The following POLR1D variants were observed in gnomAD, a reference collection of about 807,000 sequenced individuals.
The protein encoded by POLR1D is DNA-directed RNA polymerases I and III subunit RPAC2.
A neutral mutation model predicts 10.8 loss-of-function variants in POLR1D; 8 were observed. That is an observed-to-expected ratio of 0.74 (90% CI 0.43 to 1.33). POLR1D has a LOEUF of 1.33. POLR1D is among the 40% of genes most tolerant of loss of function. POLR1D has a pLI of 0.01. For missense variants in POLR1D, 152 were observed against 161.7 expected (o/e 0.94, Z 0.32); for synonymous variants, 54 against 57.2 (o/e 0.94, Z 0.25).
At chr13:27,666,335 C>A (rs943134012) in exon 3 of POLR1D, 1 of 178,482 alleles carries the variant, frequency 5.6e-6, no homozygotes, top group African/African-American at 2.4e-5. Flanking sequence ...CTATATTTTA[C>A]TTTTTGGGGG....
At chr13:27,665,616 G>T (rs893398624) in intron 2 of POLR1D, 66 of 1,415,272 alleles carry the variant, frequency 4.7e-5, no homozygotes, top group Admixed American at 2.3e-4. Flanking sequence ...TACTAATCAC[G>T]ATAGTGGGTC....
At chr13:27,631,651 A>G (rs149402498) in intron 1 of POLR1D, among the ~76,000 whole-genome samples, 52 of 152,250 alleles carry the variant, frequency 3.4e-4, no homozygotes, top group African/African-American at 1.4e-4. Flanking sequence ...ATATTTATCT[A>G]TTTATTGTCT....
Position 27,635,610 on chromosome 13 carries a change from A to G in POLR1D, c.27-12769A>G, listed in dbSNP as rs543843880. Among the ~76,000 whole-genome samples, 342 of 151,636 alleles carry G rather than the reference A, an allele frequency of 2.3e-3. 1 individual carries two copies. The highest frequency in any genetic ancestry group is 8.0e-3 in the African/African-American group (331 of 41,382). On this transcript the variant is annotated intron_variant, in intron 1 of 2. Coordinates refer to the POLR1D transcript ENST00000399697. ...CATAACTATCAATAGTCTATCTATG[A>G]TTACTATTAAAATTATAACTATAAA...
intron 1 of POLR1D, among the ~76,000 whole-genome samples, chr13:27,637,800 A>AT (rs1956139324): frequency 1.3e-5 from 2 of 150,922 alleles, no homozygotes; most frequent in Admixed American, 6.6e-5. Context: ...CATTAAAAAA[A>AT]ATTTTTTTTT....
rs201083012 is a variant in POLR1D, at chr13:27,656,903, TAC to T, written c.101+8452_101+8453del. 6.1e-3 allele frequency among the ~76,000 whole-genome samples: 923 copies of T among 152,368 alleles called. 4 individuals carry two copies. Among genetic ancestry groups the T allele is most frequent in the African/African-American group, 0.017 (707 of 41,586 alleles). On this transcript the variant is annotated intron_variant, in intron 2 of 2. Transcript: ENST00000399697. ...TGGTACATCCTACTGTTGAATATTTTACAGTCACTAAAAAGAATTGGTCAGCA... is the reference window on the plus strand; with the variant it reads ...TGGTACATCCTACTGTTGAATATTTTAGTCACTAAAAAGAATTGGTCAGCA...
At chr13:27,650,042 C>T (rs901340034) in intron 2 of POLR1D, 5 of 398,350 alleles carry the variant, frequency 1.3e-5, no homozygotes, top group African/African-American at 1.0e-4. Flanking sequence ...GTGGTTACAG[C>T]TTATTACAGG....
At chr13:27,648,548 A>G in intron 2 of POLR1D, 1 of 762,024 alleles carries the variant, frequency 1.3e-6, no homozygotes, top group Non-Finnish European at 2.3e-6. Context: ...GGAAATGGGA[A>G]ACCATGGAAG....
At position 27,663,886 on chromosome 13, in the gene POLR1D, A is replaced by C. The variant is rs2138575932; in HGVS notation, c.102-1800A>C. Reference sequence around the variant, plus strand: ...CATATGTAGTTCATTTGTCTATAAAAAAGATTTTGCTCTTGTAGTAAGCAC... The same window carrying C: ...CATATGTAGTTCATTTGTCTATAAACAAGATTTTGCTCTTGTAGTAAGCAC... On this transcript the variant is annotated intron_variant, in intron 2 of 2. Coordinates refer to the POLR1D transcript ENST00000399697. This position sits in a 1 kb window ranked among gnomAD's most constrained non-coding sequence, Gnocchi z 4.1. Among the ~76,000 whole-genome samples the C allele has an allele frequency of 6.6e-6, 1 of 152,326 alleles. No individual in the cohort carries two copies. The highest frequency in any genetic ancestry group is 2.1e-4 in the South Asian group (1 of 4,818).
chr13:27,623,222 A>AAGCAAGC lies in POLR1D; in HGVS notation c.377_383dup (p.Arg128SerfsTer5). 1 of 1,614,054 alleles carries AAGCAAGC rather than the reference A, an allele frequency of 6.2e-7. No homozygotes were observed. Among genetic ancestry groups the AAGCAAGC allele is most frequent in the Middle Eastern group, 1.6e-4 (1 of 6,062 alleles). On this transcript the variant is annotated frameshift_variant, in exon 2 of 2. Coordinates refer to ENST00000302979, the MANE Select transcript of POLR1D (RefSeq NM_015972.4). LOFTEE classifies it high-confidence loss of function. ...AGCATAAAGGACTATAAGGATCAAAAAGCAAGCAGAAATGAATCCACATTC... is the reference window on the plus strand; with the variant it reads ...AGCATAAAGGACTATAAGGATCAAAAAGCAAGCAGCAAGCAGAAATGAATCCACATTC...
At chr13:27,647,766 C>A (rs559629882) in intron 1 of POLR1D, among the ~76,000 whole-genome samples, 1 of 152,044 alleles carries the variant, frequency 6.6e-6, no homozygotes, top group African/African-American at 2.4e-5. Context: ...TAATTGTTAA[C>A]AAGTAGTTTG....
intron 2 of POLR1D, among the ~76,000 whole-genome samples, chr13:27,654,604 A>C (rs1956293360): frequency 6.6e-6 from 1 of 152,240 alleles, no homozygotes; most frequent in Non-Finnish European, 1.5e-5. Flanking sequence ...TTTGCCATTC[A>C]GTCACACAAG....
intron 1 of POLR1D, among the ~76,000 whole-genome samples, chr13:27,644,949 T>G (rs540766989): frequency 4.0e-4 from 61 of 152,344 alleles, no homozygotes; most frequent in African/African-American, 1.5e-3. Flanking sequence ...AATTCATTAA[T>G]GAGATTTCTA....
chr13:27,621,889 G>T (rs964445193), upstream of POLR1D: 5 of 1,341,046 alleles, frequency 3.7e-6, no homozygotes, highest in Non-Finnish European at 5.2e-6. Flanking sequence ...TCCGTCGGTC[G>T]GTCCTTGCTT....
downstream of POLR1D, among the ~76,000 whole-genome samples, chr13:27,624,982 C>T (rs185172305): frequency 1.4e-4 from 22 of 152,080 alleles, no homozygotes; most frequent in Non-Finnish European, 2.8e-4. Flanking sequence ...ACTTTAGGCA[C>T]GGAAGTTAGG....
At chr13:27,627,281 G>GT (rs749694500), downstream of POLR1D, among the ~76,000 whole-genome samples, 13,261 of 143,970 alleles carry the variant, frequency 0.092, 642 homozygotes, top group Middle Eastern at 0.13. Flanking sequence ...CGTGGGTCTG[G>GT]TTTTTTTTTT....
chr13:27,622,801 AT>A (rs1278542949), intron 1 of POLR1D, 73 bp from the exon 2 acceptor site: 2 of 898,718 alleles, frequency 2.2e-6, no homozygotes, highest in African/African-American at 3.3e-5. Context: ...GCAATGTGAT[AT>A]AGTAAATGAG....
intron 2 of POLR1D, chr13:27,650,469 A>T (rs1387515977): frequency 6.1e-6 from 1 of 163,748 alleles, no homozygotes; most frequent in Non-Finnish European, 1.3e-5. Flanking sequence ...CCTAAGTCAC[A>T]TGTTAGTCTC....
chr13:27,638,006 A>G (rs1449923446), intron 1 of POLR1D, among the ~76,000 whole-genome samples: 3 of 151,922 alleles, frequency 2.0e-5, no homozygotes, highest in African/African-American at 7.3e-5. Flanking sequence ...TATATGTACT[A>G]TTTTTTCAAA....
chr13:27,648,944 G>T (rs773549745), intron 2 of POLR1D, among the ~76,000 whole-genome samples: 17 of 152,168 alleles, frequency 1.1e-4, no homozygotes, highest in Non-Finnish European at 2.2e-4. Context: ...AATAATATGG[G>T]CTGGGCACAA....
Sources: allele counts gnomAD v4.1 joint callset (sites outside exome capture counted in the v4.1 genomes callset), GRCh38; gene constraint gnomAD v4.1.1; non-coding constraint Gnocchi (gnomAD v3.1); transcripts MANE v1.5; gene names NCBI Gene and HGNC (gene_info 2026-07-23, HGNC 2026-07-21).